PPP1R16B: variants seen among roughly 807,000 people sequenced by gnomAD.
PPP1R16B encodes the protein protein phosphatase 1 regulatory inhibitor subunit 16B.
A neutral mutation model predicts 61.7 loss-of-function variants in PPP1R16B; 14 were observed. That is an observed-to-expected ratio of 0.23 (90% CI 0.15 to 0.35). PPP1R16B has a LOEUF of 0.35. Among genes scored for constraint, PPP1R16B ranks in the 10% least tolerant of loss-of-function variants. The pLI is 1.00. For synonymous variants in PPP1R16B, 266 were observed against 305.3 expected (o/e 0.87, Z 1.34); for missense variants, 547 against 752.5 (o/e 0.73, Z 3.19).
At chr20:38,887,073 TA>T (rs1189004571) in intron 2 of PPP1R16B, among the ~76,000 whole-genome samples, 8 of 150,430 alleles carry the variant, frequency 5.3e-5, no homozygotes, top group African/African-American at 2.0e-4. Context: ...GTGTGTGTGT[TA>T]GTGTTAGAGG....
chr20:38,813,766 TC>T (rs1364760056), intron 1 of PPP1R16B, among the ~76,000 whole-genome samples: 28 of 127,434 alleles, frequency 2.2e-4, no homozygotes, highest in South Asian at 1.5e-3. Flanking sequence ...ATCATCATCA[TC>T]ATTATTATTA....
Position 38,918,177 on chromosome 20 carries a change from C to T in PPP1R16B, c.1215C>T (p.Pro405=), listed in dbSNP as rs138542212. 2.6e-4 allele frequency: 419 copies of T among 1,614,144 alleles called. 3 individuals are homozygous for T. In the East Asian group the frequency reaches 7.1e-3, roughly 27 times the overall value. Residue 405 remains proline (P), a synonymous_variant, in exon 11 of 11, where the codon CCC becomes CCT. Transcript: ENST00000299824. The surrounding 1 kb of genome is among the most constrained non-coding windows in gnomAD (Gnocchi z 5.3). ...NKDPNPRLEK[P]VLLSEFPTKI... ...CGCAGAACCCCAGGCTGGAGAAGCC[C>T]GTGCTACTCTCCGAATTTCCTACCA...
chr20:38,872,532 G>T (rs2085137233), intron 2 of PPP1R16B, among the ~76,000 whole-genome samples: 1 of 152,202 alleles, frequency 6.6e-6, no homozygotes, highest in Admixed American at 6.5e-5. Flanking sequence ...GTTTGTTAAA[G>T]CGTAGATTGT....
At chr20:38,904,187 A>G (rs963741492) in intron 6 of PPP1R16B, among the ~76,000 whole-genome samples, 2 of 152,152 alleles carry the variant, frequency 1.3e-5, no homozygotes, top group Non-Finnish European at 2.9e-5. Context: ...AAGTCTGACT[A>G]TTTCTGTCTG....
chr20:38,845,895 G>A (rs2084933065), intron 2 of PPP1R16B, among the ~76,000 whole-genome samples: 1 of 152,212 alleles, frequency 6.6e-6, no homozygotes, highest in Non-Finnish European at 1.5e-5. Flanking sequence ...GCTGTGAGGG[G>A]AGCAGGGAGG....
Position 38,827,223 on chromosome 20 carries a change from G to A in PPP1R16B, c.-101-8602G>A, listed in dbSNP as rs147214200. 2.2e-3 allele frequency among the ~76,000 whole-genome samples: 341 copies of A among 152,274 alleles called. 1 individual carries two copies. Among genetic ancestry groups the A allele is most frequent in the African/African-American group, 7.7e-3 (319 of 41,548 alleles). On this transcript the variant is annotated intron_variant, in intron 1 of 10. Transcript: ENST00000299824. ...CCTCACTCTGCCCTCCAGAGGCCTGGAACAAAGCCGATCCTTTTTTGTTGC... is the reference window on the plus strand; with the variant it reads ...CCTCACTCTGCCCTCCAGAGGCCTGAAACAAAGCCGATCCTTTTTTGTTGC...
intron 4 of PPP1R16B, among the ~76,000 whole-genome samples, chr20:38,896,061 T>TTCTC (rs2085342386): frequency 7.9e-6 from 1 of 126,522 alleles, no homozygotes. Flanking sequence ...CTTCCTCCCT[T>TTCTC]CCTTTCTTCC....
Position 38,896,728 on chromosome 20 carries a change from C to T in PPP1R16B, c.467+1018C>T, listed in dbSNP as rs547032818. The stretch of plus-strand genomic sequence containing the variant: ...TCCATCTTCAGAATGACTTTCATCT[C>T]GCAAAACTGAAACTCTGTACCCATC... On this transcript the variant is annotated intron_variant, in intron 4 of 10. Transcript: ENST00000299824. Among the ~76,000 whole-genome samples the T allele has an allele frequency of 9.2e-5, 14 of 152,278 alleles. No homozygotes were observed. The South Asian group carries it at 1.7e-3, about 18-fold the overall frequency.
At chr20:38,857,141 G>C (rs907053689) in intron 2 of PPP1R16B, among the ~76,000 whole-genome samples, 7 of 152,186 alleles carry the variant, frequency 4.6e-5, no homozygotes, top group Admixed American at 2.6e-4. Flanking sequence ...CTGGCAATCA[G>C]ACCTCATTTG....
rs537896906 is a variant in PPP1R16B, at chr20:38,891,468, A to G, written c.321+1803A>G. Reference sequence around the variant, plus strand: ...CTTCCCTGCAAATTACTTCAGTTATATATTTCATTTTTATCCTTACAACAA... The same window carrying G: ...CTTCCCTGCAAATTACTTCAGTTATGTATTTCATTTTTATCCTTACAACAA... On this transcript the variant is annotated intron_variant, in intron 3 of 10. Transcript: ENST00000299824. Among the ~76,000 whole-genome samples, 38 of 152,348 alleles carry G rather than the reference A, an allele frequency of 2.5e-4. No individual in the cohort carries two copies. In the South Asian group the frequency reaches 7.9e-3, roughly 32 times the overall value.
chr20:38,860,688 G>T (rs1234361195), intron 2 of PPP1R16B, among the ~76,000 whole-genome samples: 1 of 152,210 alleles, frequency 6.6e-6, no homozygotes, highest in Non-Finnish European at 1.5e-5. Context: ...GTGCCCAGGA[G>T]GATAAGGAAG....
chr20:38,912,656 CA>C (rs1033715660), intron 10 of PPP1R16B, among the ~76,000 whole-genome samples: 62 of 151,716 alleles, frequency 4.1e-4, no homozygotes, highest in African/African-American at 1.5e-3. Flanking sequence ...GCCTGGGTGA[CA>C]GAGTGAGGCG....
intron 2 of PPP1R16B, among the ~76,000 whole-genome samples, chr20:38,857,777 T>C (rs1415833279): frequency 6.6e-6 from 1 of 152,084 alleles, no homozygotes; most frequent in Non-Finnish European, 1.5e-5. Flanking sequence ...GATGGTTGCA[T>C]TGACCCAAGT....
chr20:38,866,593 T>C (rs751432953), intron 2 of PPP1R16B, among the ~76,000 whole-genome samples: 3 of 152,086 alleles, frequency 2.0e-5, no homozygotes, highest in African/African-American at 4.8e-5. Flanking sequence ...GCAAGGCACA[T>C]CTTTTTCCCA....
chr20:38,904,872 G>A (rs1177271059), intron 6 of PPP1R16B, among the ~76,000 whole-genome samples: 1 of 152,104 alleles, frequency 6.6e-6, no homozygotes, highest in African/African-American at 2.4e-5. Flanking sequence ...ATCTTGGCTG[G>A]GCAGTTGATG....
intron 5 of PPP1R16B, among the ~76,000 whole-genome samples, chr20:38,901,839 A>G (rs6124095): frequency 0.012 from 1,841 of 152,368 alleles, 106 homozygotes; most frequent in Admixed American, 0.091. Context: ...AAACAATAAG[A>G]TAACAGGATA....
At position 38,889,777 on chromosome 20, in the gene PPP1R16B, G is replaced by A. The variant is rs1033221568; in HGVS notation, c.321+112G>A. The stretch of plus-strand genomic sequence containing the variant: ...CCTCAGGGAGGAGGGAATGAGGGAG[G>A]GAGGAGGAGCTGCAGCTGGCCCATC... On this transcript the variant is annotated intron_variant, in intron 3 of 10. Coordinates refer to ENST00000299824, the MANE Select transcript of PPP1R16B (RefSeq NM_015568.4). 3.6e-4 allele frequency: 406 copies of A among 1,136,600 alleles called. 1 individual carries two copies. The highest frequency in any genetic ancestry group is 4.5e-4 in the Non-Finnish European group (338 of 754,678). The allele number at this position is 1,136,600 out of a possible 1,614,324, so 70.4% of individuals were successfully genotyped here.
intron 4 of PPP1R16B, among the ~76,000 whole-genome samples, chr20:38,896,165 T>TTCTC (rs1420326568): frequency 9.8e-6 from 1 of 101,926 alleles, no homozygotes; most frequent in African/African-American, 4.8e-5. Flanking sequence ...CTCCCTCCCT[T>TTCTC]CCTTCCTTCT....
At chr20:38,865,071 GC>G (rs2085080892) in intron 2 of PPP1R16B, among the ~76,000 whole-genome samples, 1 of 152,122 alleles carries the variant, frequency 6.6e-6, no homozygotes, top group African/African-American at 2.4e-5. Context: ...ATTCAGAATG[GC>G]CCGAGTTTCT....
Sources: gnomAD v4.1 joint callset for allele counts (sites outside exome capture counted in the v4.1 genomes callset) on GRCh38, gnomAD v4.1.1 for gene constraint, Gnocchi (gnomAD v3.1) non-coding constraint, MANE v1.5 for transcripts, NCBI Gene and HGNC (gene_info 2026-07-23, HGNC 2026-07-21) for gene names.